The following NRXN3 variants were observed in gnomAD, a reference collection of about 807,000 sequenced individuals.
NRXN3 encodes neurexin III.
NRXN3 carries 32 observed loss-of-function variants against 137.6 expected under a neutral mutation model. The observed-to-expected ratio is 0.23, with a 90% CI of 0.18 to 0.31. The LOEUF (loss-of-function observed/expected upper bound fraction) is 0.31. NRXN3 is among the 10% of genes least tolerant of loss of function. The pLI, the probability that NRXN3 is intolerant of heterozygous loss-of-function variation, is 1.00. For missense variants in NRXN3, 1,574 were observed against 2,062.5 expected, an observed-to-expected ratio of 0.76 and a Z score of 4.59; for synonymous variants, 798 against 784.5, an observed-to-expected ratio of 1.02 and a Z score of -0.29.
intron 15 of NRXN3, among the ~76,000 whole-genome samples, chr14:79,301,890 G>A (rs1010746142): frequency 6.6e-6 from 1 of 151,940 alleles, no homozygotes; most frequent in African/African-American, 2.4e-5. Context: ...AAGAGGGAAG[G>A]AGAAGAGGGA....
intron 15 of NRXN3, among the ~76,000 whole-genome samples, chr14:79,413,594 T>C (rs2095451022): frequency 6.6e-6 from 1 of 152,136 alleles, no homozygotes; most frequent in Non-Finnish European, 1.5e-5. Flanking sequence ...TGGCCTGCTA[T>C]GGTACAGACT....
At chr14:79,006,764 A>C (rs1396546569) in intron 15 of NRXN3, among the ~76,000 whole-genome samples, 1 of 152,256 alleles carries the variant, frequency 6.6e-6, no homozygotes. Flanking sequence ...ATGAACTGTT[A>C]TGGTCTCCCT....
At chr14:79,188,227 G>A (rs1170429292) in intron 15 of NRXN3, among the ~76,000 whole-genome samples, 2 of 152,102 alleles carry the variant, frequency 1.3e-5, no homozygotes, top group South Asian at 2.1e-4. Context: ...TTGCAATTTG[G>A]TGGTGATAGT....
intron 8 of NRXN3, among the ~76,000 whole-genome samples, chr14:78,733,115 A>G (rs2098524304): frequency 6.6e-6 from 1 of 152,046 alleles, no homozygotes; most frequent in African/African-American, 2.4e-5. Context: ...TTTGTGTCTG[A>G]ACCTCAGATT....
chr14:79,266,524 A>G (rs1467481149), intron 15 of NRXN3, among the ~76,000 whole-genome samples: 1 of 152,178 alleles, frequency 6.6e-6, no homozygotes, highest in African/African-American at 2.4e-5. Context: ...CCCAAAAAAC[A>G]TCAGATGCAT....
intron 11 of NRXN3, among the ~76,000 whole-genome samples, chr14:78,960,021 T>C (rs2099405043): frequency 6.6e-6 from 1 of 152,232 alleles, no homozygotes; most frequent in Non-Finnish European, 1.5e-5. Flanking sequence ...CATTATTCTT[T>C]TATGAAAACT....
intron 4 of NRXN3, among the ~76,000 whole-genome samples, chr14:78,391,790 A>G (rs1235268166): frequency 6.6e-6 from 1 of 152,238 alleles, no homozygotes; most frequent in Non-Finnish European, 1.5e-5. Context: ...AATGATATAG[A>G]GAAAAATGTA....
chr14:78,284,424 G>A (rs754531999), intron 3 of NRXN3, among the ~76,000 whole-genome samples: 1 of 152,094 alleles, frequency 6.6e-6, no homozygotes, highest in South Asian at 2.1e-4. Flanking sequence ...AAACTAAGTT[G>A]TGCCTGGACC....
intron 4 of NRXN3, among the ~76,000 whole-genome samples, chr14:78,368,334 G>A (rs1459381716): frequency 2.6e-5 from 4 of 152,200 alleles, no homozygotes; most frequent in Admixed American, 6.5e-5. Flanking sequence ...CCAGATTGTG[G>A]CCAGGGTTGT....
intron 15 of NRXN3, among the ~76,000 whole-genome samples, chr14:79,166,626 T>G (rs1038197842): frequency 3.3e-5 from 5 of 151,590 alleles, no homozygotes; most frequent in Non-Finnish European, 7.4e-5. Context: ...TTTTTAGTGC[T>G]GAGACCCAAG....
In NRXN3 at chr14:78,432,835, T is replaced by G. The variant is rs1372604834; in HGVS notation, c.757+134975T>G. ...GCAGTAAGGAGTGGAGAAAACTTAG[T>G]GAAGGGCTTGCAGTCCATGACTAAG... On this transcript the variant is annotated intron_variant, in intron 4 of 20. Transcript: ENST00000335750. Among the ~76,000 whole-genome samples, 5 of 152,274 alleles carry G rather than the reference T, an allele frequency of 3.3e-5. No homozygotes were observed. The South Asian group carries it at 1.0e-3, about 32-fold the overall frequency.
At chr14:79,450,471 T>C (rs1458889853) in intron 15 of NRXN3, among the ~76,000 whole-genome samples, 3 of 152,188 alleles carry the variant, frequency 2.0e-5, no homozygotes, top group African/African-American at 7.2e-5. Flanking sequence ...AGGTGATGGA[T>C]GTGTTAATTA....
chr14:78,550,097 G>A lies in NRXN3; in HGVS notation c.758-95023G>A, dbSNP rs75435670. Among the ~76,000 whole-genome samples, 797 of 146,576 alleles carry A rather than the reference G, an allele frequency of 5.4e-3. 43 individuals carry two copies. The East Asian group carries it at 0.11, about 20-fold the overall frequency. On this transcript the variant is annotated intron_variant, in intron 4 of 20. Coordinates refer to ENST00000335750, the MANE Select transcript of NRXN3 (RefSeq NM_001330195.2). ...CACCCAGGTTGGAGTGCAGTAGTGC[G>A]ATCACAGCACACTGCAGCCTCAACC... is the stretch of plus-strand genomic sequence containing the variant.
chr14:78,799,742 A>T (rs2098832887), intron 8 of NRXN3, among the ~76,000 whole-genome samples: 2 of 152,198 alleles, frequency 1.3e-5, no homozygotes, highest in African/African-American at 4.8e-5. Context: ...TCATGGCGGA[A>T]GTCAAAAGGC....
At chr14:79,022,938 G>C (rs2099592035) in intron 15 of NRXN3, among the ~76,000 whole-genome samples, 1 of 152,052 alleles carries the variant, frequency 6.6e-6, no homozygotes, top group Non-Finnish European at 1.5e-5. Flanking sequence ...ACTGTATAAA[G>C]TCTATTTGGA....
At chr14:79,839,006 T>A (rs149081753) in intron 20 of NRXN3, among the ~76,000 whole-genome samples, 4 of 152,208 alleles carry the variant, frequency 2.6e-5, no homozygotes, top group Non-Finnish European at 5.9e-5. Context: ...TAAAATAGTA[T>A]GTTCTGATGA....
At chr14:79,649,238 A>G (rs2098464613) in intron 16 of NRXN3, among the ~76,000 whole-genome samples, 1 of 152,066 alleles carries the variant, frequency 6.6e-6, no homozygotes, top group African/African-American at 2.4e-5. Context: ...TGGAAGCTCT[A>G]GCATTGCTTG....
intron 4 of NRXN3, among the ~76,000 whole-genome samples, chr14:78,629,846 T>G (rs2097503446): frequency 6.6e-6 from 1 of 152,254 alleles, no homozygotes; most frequent in African/African-American, 2.4e-5. Context: ...TAAAAAGTAT[T>G]ATACCATAAC....
At chr14:78,413,018 G>A (rs750924628) in intron 4 of NRXN3, among the ~76,000 whole-genome samples, 1 of 152,170 alleles carries the variant, frequency 6.6e-6, no homozygotes, top group South Asian at 2.1e-4. Flanking sequence ...GGTAAGGAAG[G>A]CATTTTGTCT....
Sources: gnomAD v4.1 joint callset for allele counts (sites outside exome capture counted in the v4.1 genomes callset) on GRCh38, gnomAD v4.1.1 for gene constraint, MANE v1.5 for transcripts, NCBI Gene and HGNC (gene_info 2026-07-23, HGNC 2026-07-21) for gene names.